Variants in KIF16B observed in about 807,000 individuals in gnomAD.
KIF16B encodes kinesin-like protein KIF16B.
In KIF16B, 98 loss-of-function variants were observed where a neutral mutation model predicts 156.3. The ratio of observed to expected loss-of-function variants is 0.63; its 90% CI spans 0.53 to 0.74. The LOEUF (loss-of-function observed/expected upper bound fraction) is 0.74. Among genes scored for constraint, KIF16B ranks in the 30% least tolerant of loss-of-function variants. The pLI is 0.00. For synonymous variants in KIF16B, 564 were observed against 583.7 expected (o/e 0.97, Z 0.49); for missense variants, 1,421 against 1,606.5 (o/e 0.88, Z 1.97).
intron 22 of KIF16B, chr20:16,368,436 C>T: frequency 1.0e-6 from 1 of 986,466 alleles, no homozygotes; most frequent in African/African-American, 1.7e-5. Flanking sequence ...CTAAGTGCTT[C>T]AGAAATGGCA....
intron 1 of KIF16B, among the ~76,000 whole-genome samples, chr20:16,563,517 A>G (rs2071143853): frequency 6.6e-6 from 1 of 152,240 alleles, no homozygotes; most frequent in East Asian, 1.9e-4. Flanking sequence ...AAACAGCCAA[A>G]GCTATCAAAA....
chr20:16,347,170 G>C lies in KIF16B; in HGVS notation c.3621+9160C>G, dbSNP rs145108775. On this transcript the variant is annotated intron_variant, in intron 23 of 25. Transcript: ENST00000354981. ...GGACACTCAACAGATGGTGACTCCT[G>C]GCACTGTGACTCCGTTCTTAAAAAG... Among the ~76,000 whole-genome samples the C allele has an allele frequency of 2.0e-3, 308 of 152,274 alleles. 6 individuals are homozygous for C. In the South Asian group the frequency reaches 0.035, roughly 17 times the overall value.
At position 16,380,024 on chromosome 20, in the gene KIF16B, G is replaced by A. The variant is rs751854805; in HGVS notation, c.1978C>T (p.Arg660Cys). The stretch of plus-strand genomic sequence containing the variant: ...TTGTTCTCGATGTGGAAGCTGCGGC[G>A]TTTGAGGCTCTCCTCCTGCTTGCGA... Reference protein sequence around the residue: ...QIRKQEESLKRRSFHIENKLK... With the variant: ...QIRKQEESLKCRSFHIENKLK... Residue 660 changes from arginine to cysteine, a missense_variant, in exon 19 of 26, where the codon CGC (arginine) becomes TGC (cysteine). By Grantham distance (180) the Arg-to-Cys change is radical. Transcript: ENST00000354981. 4.0e-5 allele frequency: 64 copies of A among 1,596,218 alleles called. No individual in the cohort carries two copies. The highest frequency in any genetic ancestry group is 1.1e-4 in the Admixed American group (6 of 56,542).
Position 16,497,173 on chromosome 20 carries a change from A to G in KIF16B, c.1242+440T>C, listed in dbSNP as rs544794700. 5.9e-5 allele frequency among the ~76,000 whole-genome samples: 9 copies of G among 152,318 alleles called. 1 individual carries two copies. In the South Asian group the frequency reaches 1.7e-3, roughly 28 times the overall value. Reference sequence around the variant, plus strand: ...TCTCAAATCTCATCTAGCTTCACAGAAACTAAGCACCTAACTAGAGTAATC... The same window carrying G: ...TCTCAAATCTCATCTAGCTTCACAGGAACTAAGCACCTAACTAGAGTAATC... On this transcript the variant is annotated intron_variant, in intron 11 of 25. Transcript: ENST00000354981.
intron 15 of KIF16B, among the ~76,000 whole-genome samples, chr20:16,417,747 T>C (rs921133394): frequency 2.0e-5 from 3 of 152,046 alleles, no homozygotes; most frequent in Admixed American, 2.0e-4. Context: ...AACTCATTGG[T>C]AGGCTCAAAG....
intron 23 of KIF16B, among the ~76,000 whole-genome samples, chr20:16,345,687 T>C (rs1305119011): frequency 6.6e-6 from 1 of 152,222 alleles, no homozygotes; most frequent in African/African-American, 2.4e-5. Flanking sequence ...GTCTCTAAAC[T>C]GCCTTTAGGA....
At chr20:16,514,601 A>G (rs2069075042) in intron 4 of KIF16B, among the ~76,000 whole-genome samples, 1 of 149,976 alleles carries the variant, frequency 6.7e-6, no homozygotes, top group African/African-American at 2.4e-5. Flanking sequence ...AAAAAAAAAA[A>G]AAAAACAGGC....
At chr20:16,496,865 C>A (rs1444519997) in intron 11 of KIF16B, among the ~76,000 whole-genome samples, 1 of 151,996 alleles carries the variant, frequency 6.6e-6, no homozygotes, top group African/African-American at 2.4e-5. Flanking sequence ...CTAACTACAC[C>A]CCAATTTTTA....
chr20:16,443,210 C>G (rs1435683968), intron 12 of KIF16B, among the ~76,000 whole-genome samples: 2 of 152,266 alleles, frequency 1.3e-5, no homozygotes, highest in East Asian at 1.9e-4. Flanking sequence ...ATCAAATATT[C>G]ACTCCAATCA....
At chr20:16,471,752 G>C (rs962157441) in intron 12 of KIF16B, among the ~76,000 whole-genome samples, 7 of 152,278 alleles carry the variant, frequency 4.6e-5, no homozygotes, top group Non-Finnish European at 8.8e-5. Flanking sequence ...ACTACCTAAA[G>C]TGATTACTAC....
At chr20:16,358,365 A>G (rs963429634) in intron 22 of KIF16B, among the ~76,000 whole-genome samples, 4 of 152,162 alleles carry the variant, frequency 2.6e-5, no homozygotes, top group African/African-American at 9.7e-5. Flanking sequence ...GTTCTCAAAA[A>G]AGTGTGGACG....
intron 15 of KIF16B, among the ~76,000 whole-genome samples, chr20:16,423,441 A>G (rs180965029): frequency 2.7e-4 from 41 of 152,274 alleles, no homozygotes; most frequent in Non-Finnish European, 4.0e-4. Flanking sequence ...AGCACTTACA[A>G]GGAGTTATGT....
At chr20:16,542,502 A>C (rs186608558) in intron 1 of KIF16B, among the ~76,000 whole-genome samples, 1 of 152,206 alleles carries the variant, frequency 6.6e-6, no homozygotes, top group African/African-American at 2.4e-5. Flanking sequence ...ATGTCATGGA[A>C]AAGGACTAAC....
intron 1 of KIF16B, among the ~76,000 whole-genome samples, chr20:16,544,455 C>T (rs1000256646): frequency 1.3e-5 from 2 of 151,814 alleles, no homozygotes. Flanking sequence ...ACTAAAAATA[C>T]AAAAATTAGC....
At chr20:16,409,967 A>ATATATGTACC (rs1555877397) in intron 15 of KIF16B, among the ~76,000 whole-genome samples, 2 of 30,140 alleles carry the variant, frequency 6.6e-5, no homozygotes, top group African/African-American at 3.0e-4. Flanking sequence ...ATATATATAT[A>ATATATGTACC]TACATATATA....
chr20:16,362,837 G>A (rs900605230), intron 22 of KIF16B, among the ~76,000 whole-genome samples: 19 of 152,206 alleles, frequency 1.2e-4, no homozygotes, highest in Non-Finnish European at 2.4e-4. Flanking sequence ...AACAGTGACT[G>A]GGATTGCTGT....
At chr20:16,550,557 AG>A (rs1258417982) in intron 1 of KIF16B, among the ~76,000 whole-genome samples, 1 of 134,428 alleles carries the variant, frequency 7.4e-6, no homozygotes, top group Admixed American at 7.8e-5. Context: ...TTTTTGACAC[AG>A]GGTTCACTCA....
At chr20:16,393,326 A>T (rs2146182159) in intron 17 of KIF16B, among the ~76,000 whole-genome samples, 1 of 152,102 alleles carries the variant, frequency 6.6e-6, no homozygotes, top group African/African-American at 2.4e-5. Flanking sequence ...ATTTAAAATA[A>T]TTTTTTCAAT....
intron 12 of KIF16B, among the ~76,000 whole-genome samples, chr20:16,483,757 G>C (rs888872743): frequency 6.6e-6 from 1 of 152,130 alleles, no homozygotes; most frequent in African/African-American, 2.4e-5. Flanking sequence ...ACAGGCAAAA[G>C]TCACTAGTCT....
Sources: allele counts gnomAD v4.1 joint callset (sites outside exome capture counted in the v4.1 genomes callset), GRCh38; gene constraint gnomAD v4.1.1; transcripts MANE v1.5; gene names NCBI Gene and HGNC (gene_info 2026-07-23, HGNC 2026-07-21).